Variants in ATAD3B observed in about 807,000 individuals in gnomAD.
ATAD3B encodes the protein ATPase family AAA domain containing 3B.
In ATAD3B, 59 loss-of-function variants were observed where a neutral mutation model predicts 70.2. That is an observed-to-expected ratio of 0.84 (90% CI 0.68 to 1.04). ATAD3B has a LOEUF of 1.04. ATAD3B is among the 50% of genes least tolerant of loss of function. The probability of loss-of-function intolerance (pLI) is 0.00; values close to 1 mark genes in which losing one functional copy is unlikely to be tolerated. For missense variants in ATAD3B, 961 were observed against 913.4 expected, an observed-to-expected ratio of 1.05 and a Z score of -0.67; for synonymous variants, 423 against 388.6, an observed-to-expected ratio of 1.09 and a Z score of -1.04.
At chr1:1,492,997 G>T (rs1260236829) in intron 15 of ATAD3B, among the ~76,000 whole-genome samples, 1 of 151,710 alleles carries the variant, frequency 6.6e-6, no homozygotes, top group Non-Finnish European at 1.5e-5. Context: ...TGTAATCCCA[G>T]CTGCTCGGGA....
At chr1:1,486,449 C>A in intron 10 of ATAD3B, 95 bp from the exon 11 acceptor site, 1 of 1,609,156 alleles carries the variant, frequency 6.2e-7, no homozygotes, top group Non-Finnish European at 8.5e-7. Flanking sequence ...CAGACAGGGA[C>A]ACCCGGCAGG....
rs552663924 is a variant in ATAD3B, at chr1:1,482,208, G to C, written c.585G>C (p.Ala195=). The change falls in exon 6 of 16, where the codon GCG becomes GCC. Residue 195 remains alanine (A), a synonymous_variant. Transcript: ENST00000673477. ...EMLRVETEAR[A]RAKAERENAD... ...TGCGAGTGGAGACCGAGGCCCGGGC[G>C]CGCGCCAAGGCCGAGCGGGAGAATG... 6.2e-7 allele frequency: 1 copy of C among 1,610,898 alleles called. No individual in the cohort carries two copies. Among genetic ancestry groups the C allele is most frequent in the Non-Finnish European group, 8.5e-7 (1 of 1,179,242 alleles).
At position 1,486,187 on chromosome 1, in the gene ATAD3B, C is replaced by G; in HGVS notation, c.1041C>G (p.His347Gln). Residue 347 changes from histidine (H) to glutamine (Q), a missense_variant, in exon 10 of 16, where the codon CAC becomes CAG. Transcript: ENST00000673477. ...AGAAGAACCGGGGCCTGTACAGGCA[C>G]ATCCTGCTGTATGGGCCACCAGGCA... The part of the protein sequence containing the change: ...NTKKNRGLYR[H>Q]ILLYGPPGTG... The G allele has an allele frequency of 1.9e-6, 3 of 1,613,258 alleles. No homozygotes were observed. The highest frequency in any genetic ancestry group is 2.5e-6 in the Non-Finnish European group (3 of 1,179,666).
In ATAD3B at chr1:1,485,086, T is replaced by C. The variant is rs200026807; in HGVS notation, c.821T>C (p.Phe274Ser). The change falls in exon 8 of 16, where the codon TTC (phenylalanine) becomes TCC (serine). Residue 274 changes from phenylalanine (F) to serine (S), a missense_variant. Transcript: ENST00000673477. ...AATGCGACAGCCGTCACTGGCCGCT[T>C]CATCGAGGCTCGGCTGGGGAAGCCG... Reference protein sequence around the residue: ...AKNATAVTGRFIEARLGKPSL... With the variant: ...AKNATAVTGRSIEARLGKPSL... 2.8e-5 allele frequency: 45 copies of C among 1,603,736 alleles called. 1 individual carries two copies. Among genetic ancestry groups the C allele is most frequent in the Non-Finnish European group, 3.4e-5 (40 of 1,178,588 alleles).
chr1:1,475,473 C>G (rs902267323), intron 1 of ATAD3B, among the ~76,000 whole-genome samples: 1 of 151,728 alleles, frequency 6.6e-6, no homozygotes, highest in African/African-American at 2.4e-5. Flanking sequence ...GAGATTCGCC[C>G]GTTGCTTTGT....
chr1:1,503,631 G>A, the ATAD3B span: 134 of 1,612,060 alleles, frequency 8.3e-5, no homozygotes, highest in Admixed American at 6.7e-5. Flanking sequence ...AGGAGCAGAC[G>A]CTGCAGTTGG....
Position 1,496,018 on chromosome 1 carries a change from G to C in ATAD3B, c.*201G>C. 7.5e-7 allele frequency: 1 copy of C among 1,339,556 alleles called. No homozygotes were observed. The highest frequency in any genetic ancestry group is 9.6e-7 in the Non-Finnish European group (1 of 1,046,600). The allele number at this position is 1,339,556 out of a possible 1,614,324, so 83.0% of individuals were successfully genotyped here. On this transcript the variant is annotated 3_prime_UTR_variant, in exon 16 of 16. Coordinates refer to ENST00000673477, the MANE Select transcript of ATAD3B (RefSeq NM_031921.6). ...GTCTTTGTTCTCGGCTCCCACAGCA[G>C]AGCCAGGTGAGGGGGGGCCTGCCAG...
At chr1:1,506,200 C>T in the ATAD3B span, among the ~76,000 whole-genome samples, 1 of 152,090 alleles carries the variant, frequency 6.6e-6, no homozygotes, top group Non-Finnish European at 1.5e-5. Flanking sequence ...GTGTCACTGT[C>T]TTGCAGCCTG....
intron 1 of ATAD3B, among the ~76,000 whole-genome samples, chr1:1,476,699 G>A (rs1378128417): frequency 1.3e-5 from 2 of 151,740 alleles, no homozygotes; most frequent in Non-Finnish European, 1.5e-5. Context: ...TAGTAGAGAC[G>A]GGGTTTCACT....
chr1:1,477,240 C>T, intron 1 of ATAD3B, 34 bp from the exon 2 acceptor site: 1 of 1,610,546 alleles, frequency 6.2e-7, no homozygotes, highest in Non-Finnish European at 8.5e-7. Context: ...TCCGTGTATC[C>T]TACACCTGCT....
chr1:1,475,169 CCT>C (rs1414883225), intron 1 of ATAD3B, among the ~76,000 whole-genome samples: 3 of 149,724 alleles, frequency 2.0e-5, no homozygotes, highest in Non-Finnish European at 4.4e-5. Context: ...CTTGGTCTGC[CCT>C]CTCTGTGGTG....
chr1:1,495,971 CAGA>C lies in ATAD3B; in HGVS notation c.*157_*159del, dbSNP rs528543988. On this transcript the variant is annotated 3_prime_UTR_variant, in exon 16 of 16. Coordinates refer to ENST00000673477, the MANE Select transcript of ATAD3B (RefSeq NM_031921.6). ...GTGGGTGCTGGCTGAGCCCCTGGGG[CAGA>C]AGGAGTGGGGCAGGCGGGGTCTTTG... 7.8e-4 allele frequency: 1,085 copies of C among 1,385,402 alleles called. 21 individuals carry two copies. The African/African-American group carries it at 0.014, about 18-fold the overall frequency. The allele number at this position is 1,385,402 out of a possible 1,614,324, so 85.8% of individuals were successfully genotyped here.
At chr1:1,500,957 A>G (rs1163014786), downstream of ATAD3B, among the ~76,000 whole-genome samples, 3 of 152,120 alleles carry the variant, frequency 2.0e-5, no homozygotes, top group Admixed American at 6.6e-5. Flanking sequence ...ACTCCTCTCA[A>G]AAGCCACTCC....
Position 1,480,853 on chromosome 1 carries a change from C to T in ATAD3B, c.445-14C>T, listed in dbSNP as rs775963010. The T allele has an allele frequency of 1.6e-5, 25 of 1,593,134 alleles. 2 individuals are homozygous for T. The highest frequency in any genetic ancestry group is 4.6e-5 in the East Asian group (2 of 43,188). ...TTTTAAAGGCTTTTCTCTTTTTCTG[C>T]GGCTTCTTCTCAGCAACTTCTCAAT... is the stretch of plus-strand genomic sequence containing the variant. On this transcript the variant is annotated splice_polypyrimidine_tract_variant and intron_variant, in intron 4 of 15. Transcript: ENST00000673477.
downstream of ATAD3B, among the ~76,000 whole-genome samples, chr1:1,502,508 T>A (rs1054788130): frequency 1.6e-5 from 2 of 122,538 alleles, no homozygotes; most frequent in Non-Finnish European, 3.4e-5. Flanking sequence ...GTGCCCAGCA[T>A]TTTTTTTTTT....
intron 7 of ATAD3B, chr1:1,484,557 C>G (rs1267313718): frequency 6.2e-6 from 1 of 160,154 alleles, no homozygotes; most frequent in African/African-American, 2.4e-5. Flanking sequence ...TGAACTCCAA[C>G]CTCTGGTGAT....
chr1:1,508,695 C>T, the ATAD3B span, among the ~76,000 whole-genome samples: 4,054 of 150,440 alleles, frequency 0.027, 207 homozygotes, highest in African/African-American at 0.067. Context: ...CCAGCCTTCA[C>T]ATGCTAGATG....
At position 1,490,818 on chromosome 1, in the gene ATAD3B, G is replaced by C; in HGVS notation, c.1614+147G>C. 2.0e-6 allele frequency: 3 copies of C among 1,463,436 alleles called. 1 individual carries two copies. Among genetic ancestry groups the C allele is most frequent in the Non-Finnish European group, 2.7e-6 (3 of 1,103,536 alleles). The allele number at this position is 1,463,436 out of a possible 1,614,324, so 90.7% of individuals were successfully genotyped here. On this transcript the variant is annotated intron_variant, in intron 15 of 15. Transcript: ENST00000673477. The stretch of plus-strand genomic sequence containing the variant: ...GCACAGACGTGACACAGGGCCCCCT[G>C]CCTCAGTCGGGCCACTCCACGCAGC...
At chr1:1,501,893 T>G (rs898049513), downstream of ATAD3B, among the ~76,000 whole-genome samples, 4 of 152,150 alleles carry the variant, frequency 2.6e-5, no homozygotes, top group African/African-American at 9.7e-5. Flanking sequence ...TTGTTTGTTT[T>G]TTTTGAGATG....
Sources: allele counts gnomAD v4.1 joint callset (sites outside exome capture counted in the v4.1 genomes callset), GRCh38; gene constraint gnomAD v4.1.1; transcripts MANE v1.5; gene names NCBI Gene and HGNC (gene_info 2026-07-23, HGNC 2026-07-21).